The following MICAL2 variants were observed in gnomAD, a reference collection of about 807,000 sequenced individuals.
MICAL2 encodes microtubule associated monooxygenase, calponin and LIM domain containing 2, also known as [F-actin]-monooxygenase MICAL2.
A neutral mutation model predicts 127.3 loss-of-function variants in MICAL2; 77 were observed. That is an observed-to-expected ratio of 0.60 (90% confidence interval 0.50 to 0.73). The LOEUF is 0.73. Among genes scored for constraint, MICAL2 ranks in the 30% least tolerant of loss-of-function variants. The probability of loss-of-function intolerance (pLI) is 0.00; values close to 1 mark genes in which losing one functional copy is unlikely to be tolerated. For missense variants in MICAL2, 1,351 were observed against 1,434.4 expected (o/e 0.94, Z 0.94); for synonymous variants, 570 against 551.1 (o/e 1.03, Z -0.48).
chr11:12,213,274 C>T lies in MICAL2; in HGVS notation c.711C>T (p.Phe237=), dbSNP rs1431185555. 1 of 1,612,292 alleles carries T rather than the reference C, an allele frequency of 6.2e-7. No individual in the cohort carries two copies. Among genetic ancestry groups the T allele is most frequent in the South Asian group, 1.1e-5 (1 of 90,800 alleles). Residue 237 remains phenylalanine, a synonymous_variant, in exon 7 of 28, where the codon TTC becomes TTT. Transcript: ENST00000683283. The part of the protein sequence containing the change: ...NTLEGFRRKE[F]RGKLAIAITA... ...ATGCAGGGTTCAGAAGAAAAGAATT[C>T]CGTGGGAAGCTGGCGATTGCCATCA...
At chr11:12,118,103 C>T (rs1263289776) in intron 1 of MICAL2, among the ~76,000 whole-genome samples, 1 of 152,130 alleles carries the variant, frequency 6.6e-6, no homozygotes, top group East Asian at 1.9e-4. Flanking sequence ...TCCAGGTTTG[C>T]CCCAACCAGA....
chr11:12,299,270 C>CT (rs542837584), intron 29 of MICAL2, among the ~76,000 whole-genome samples: 17 of 148,904 alleles, frequency 1.1e-4, no homozygotes, highest in East Asian at 1.9e-4. Flanking sequence ...ACCCATCAGT[C>CT]TTTTTTTTTT....
At chr11:12,201,511 G>C (rs1853987123) in intron 3 of MICAL2, among the ~76,000 whole-genome samples, 1 of 151,784 alleles carries the variant, frequency 6.6e-6, no homozygotes, top group Non-Finnish European at 1.5e-5. Context: ...ACGCCTTGCT[G>C]GGGGTAGTCA....
intron 3 of MICAL2, among the ~76,000 whole-genome samples, chr11:12,192,143 C>G (rs772339701): frequency 5.6e-5 from 8 of 143,940 alleles, no homozygotes; most frequent in African/African-American, 7.8e-5. Context: ...GGTGAAAAGA[C>G]TGAAATATTT....
At chr11:12,297,175 T>C (rs115019233), downstream of MICAL2, among the ~76,000 whole-genome samples, 1,307 of 152,280 alleles carry the variant, frequency 8.6e-3, 25 homozygotes, top group African/African-American at 0.03. Flanking sequence ...AGCAGCAAAG[T>C]ATGAGAACTC....
chr11:12,220,225 CT>C lies in MICAL2; in HGVS notation c.974del (p.Leu325ArgfsTer6), dbSNP rs778655590. 1 of 1,614,184 alleles carries C rather than the reference CT, an allele frequency of 6.2e-7. No individual in the cohort carries two copies. The highest frequency in any genetic ancestry group is 8.5e-7 in the Non-Finnish European group (1 of 1,180,038). On this transcript the variant is annotated frameshift_variant, in exon 9 of 28. Coordinates refer to ENST00000683283, the MANE Select transcript of MICAL2 (RefSeq NM_001282663.2). LOFTEE classifies it high-confidence loss of function. ...INDYIDTEML[L>X]CAENVNQDNL... is the part of the protein sequence containing the mutation. ...GGACTACATCGACACAGAGATGCTG[CT>C]GTGTGCGGAGAACGTGAACCAAGAC...
chr11:12,327,344 C>G, intron 32 of MICAL2: 1 of 1,186,026 alleles, frequency 8.4e-7, no homozygotes, highest in East Asian at 2.6e-5. Context: ...GGAAAACAGA[C>G]CTTGTCACCT....
downstream of MICAL2, among the ~76,000 whole-genome samples, chr11:12,296,000 C>A (rs1397594220): frequency 6.6e-6 from 1 of 152,044 alleles, no homozygotes; most frequent in East Asian, 1.9e-4. Flanking sequence ...ATAATTTAAA[C>A]CTGATTAAAA....
chr11:12,224,728 C>A lies in MICAL2; in HGVS notation c.1596C>A (p.Gly532=). ...LLTWCQQQTE[G]YQHVNVTDLT... ...CCTGGTGCCAGCAGCAGACAGAGGG[C>A]TACCAGCATGTCAACGTCACCGACC... is the stretch of plus-strand genomic sequence containing the variant. Residue 532 remains glycine, a synonymous_variant, in exon 13 of 28, where the codon GGC becomes GGA. Coordinates refer to ENST00000683283, the MANE Select transcript of MICAL2 (RefSeq NM_001282663.2). The A allele has an allele frequency of 1.2e-6, 2 of 1,614,210 alleles. No individual in the cohort carries two copies. Among genetic ancestry groups the A allele is most frequent in the Non-Finnish European group, 1.7e-6 (2 of 1,180,022 alleles).
chr11:12,260,192 G>A (rs1349721954), intron 26 of MICAL2: 1 of 1,482,476 alleles, frequency 6.7e-7, no homozygotes, highest in Non-Finnish European at 8.9e-7. Context: ...CTGCCCCAAA[G>A]TGCCTTCACA....
At chr11:12,160,200 G>A (rs1037729117) in intron 2 of MICAL2, among the ~76,000 whole-genome samples, 20 of 152,290 alleles carry the variant, frequency 1.3e-4, no homozygotes, top group Middle Eastern at 3.4e-3. Flanking sequence ...CTGAGACCTC[G>A]CCAGCCCCAG....
At chr11:12,199,420 G>A (rs184914858) in intron 3 of MICAL2, among the ~76,000 whole-genome samples, 22 of 152,232 alleles carry the variant, frequency 1.4e-4, no homozygotes, top group African/African-American at 4.8e-4. Flanking sequence ...ACTCGACCTC[G>A]CTGCAGTGTC....
rs773041943 is a variant in MICAL2 at position 12,222,674 on chromosome 11, T to C, written c.1380T>C (p.Phe460=). The C allele has an allele frequency of 1.9e-6, 3 of 1,614,204 alleles. No homozygotes were observed. Among genetic ancestry groups the C allele is most frequent in the East Asian group, 2.2e-5 (1 of 44,874 alleles). The change falls in exon 11 of 28, where the codon TTT becomes TTC. Residue 460 remains phenylalanine (F), a synonymous_variant. Transcript: ENST00000683283. ...CCCCGGAGAACATCAACAAGAACTT[T>C]GAGCAGTACACGTTGGACCCAGGGA... ...QTTPENINKN[F]EQYTLDPGTR... is the part of the protein sequence containing the mutation.
intron 32 of MICAL2, among the ~76,000 whole-genome samples, chr11:12,344,969 T>G (rs1340275352): frequency 2.0e-5 from 3 of 150,988 alleles, no homozygotes; most frequent in African/African-American, 2.4e-5. Flanking sequence ...AAAAATTAGC[T>G]GGTGTTGTGG....
chr11:12,248,755 G>GGTAGGAGGATAAATCTCAGGGACACCTA (rs1861125504), intron 21 of MICAL2, among the ~76,000 whole-genome samples: 1 of 152,276 alleles, frequency 6.6e-6, no homozygotes. Flanking sequence ...TGTTTGACCT[G>GGTAGGAGGATAAATCTCAGGGACACCTA]GTAGGAGGAT....
chr11:12,310,207 T>C (rs560339776), intron 29 of MICAL2, among the ~76,000 whole-genome samples: 1 of 152,280 alleles, frequency 6.6e-6, no homozygotes, highest in South Asian at 2.1e-4. Context: ...GTTTTTGCTT[T>C]TGTTAGCTGT....
chr11:12,356,386 C>A (rs1459463093), intron 34 of MICAL2, among the ~76,000 whole-genome samples: 2 of 152,198 alleles, frequency 1.3e-5, no homozygotes, highest in African/African-American at 2.4e-5. Context: ...AATGTGCAGT[C>A]TTGAAGATGC....
chr11:12,209,590 C>A lies in MICAL2; in HGVS notation c.683C>A (p.Thr228Asn). ...ATTGGTGCCGATGGCCGCAGGAACA[C>A]CCTGGAAGGTGAAGACTCTTCTTCT... Reference protein sequence around the residue: ...VIIGADGRRNTLEGFRRKEFR... With the variant: ...VIIGADGRRNNLEGFRRKEFR... The change falls in exon 6 of 28, where the codon ACC (threonine) becomes AAC (asparagine). Residue 228 changes from threonine to asparagine, a missense_variant. By Grantham distance (65) the Thr-to-Asn change is moderately conservative. Transcript: ENST00000683283. 2 of 1,613,104 alleles carry A rather than the reference C, an allele frequency of 1.2e-6. No individual in the cohort carries two copies. The highest frequency in any genetic ancestry group is 1.7e-6 in the Non-Finnish European group (2 of 1,179,140).
chr11:12,180,335 G>GTGTGTA (rs140219557), intron 3 of MICAL2, among the ~76,000 whole-genome samples: 4 of 126,420 alleles, frequency 3.2e-5, no homozygotes, highest in South Asian at 6.0e-4. Context: ...TTATATACAT[G>GTGTGTA]TATATATGTA....
Sources: allele counts gnomAD v4.1 joint callset (sites outside exome capture counted in the v4.1 genomes callset), GRCh38; gene constraint gnomAD v4.1.1; transcripts MANE v1.5; gene names NCBI Gene and HGNC (gene_info 2026-07-23, HGNC 2026-07-21).